Variants in KIF3B observed in about 807,000 individuals in gnomAD.
The protein encoded by KIF3B is kinesin-like protein KIF3B.
A neutral mutation model predicts 74.3 loss-of-function variants in KIF3B; 38 were observed. The observed-to-expected ratio is 0.51, with a 90% CI of 0.39 to 0.67. The LOEUF is 0.67. KIF3B is among the 30% of genes least tolerant of loss of function. KIF3B has a pLI of 0.00. For missense variants in KIF3B, 649 were observed against 932.0 expected (o/e 0.70, Z 3.95); for synonymous variants, 326 against 342.5 (o/e 0.95, Z 0.53).
At chr20:32,289,440 C>T (rs1191357669) in intron 1 of KIF3B, among the ~76,000 whole-genome samples, 4 of 152,178 alleles carry the variant, frequency 2.6e-5, no homozygotes, top group Admixed American at 1.3e-4. Context: ...GATCCACCTG[C>T]CTTGGCCTCC....
At chr20:32,294,391 T>C (rs538080235) in intron 1 of KIF3B, among the ~76,000 whole-genome samples, 1 of 152,324 alleles carries the variant, frequency 6.6e-6, no homozygotes, top group South Asian at 2.1e-4. Context: ...ACATTTAAGC[T>C]GAAATCAAAG....
At chr20:32,292,511 G>A (rs957918842) in intron 1 of KIF3B, among the ~76,000 whole-genome samples, 8 of 150,656 alleles carry the variant, frequency 5.3e-5, no homozygotes, top group Admixed American at 2.0e-4. Context: ...GCTGAGGTGG[G>A]TGGATCACTT....
rs1183640135 is a variant in KIF3B at position 32,311,007 on chromosome 20, GGAT to G, written c.1234_1236del (p.Asp412del). 1 of 1,613,582 alleles carries G rather than the reference GGAT, an allele frequency of 6.2e-7. No homozygotes were observed. Among genetic ancestry groups the G allele is most frequent in the African/African-American group, 1.3e-5 (1 of 74,856 alleles). On this transcript the variant is annotated inframe_deletion, in exon 2 of 9. Coordinates refer to ENST00000375712, the MANE Select transcript of KIF3B (RefSeq NM_004798.4). ...AGGGTGAGGAGGAAGGGGATGATAA[GGAT>G]GATTACTGGCGGGAACAGCAAGAAA... is the stretch of plus-strand genomic sequence containing the variant.
chr20:32,326,941 G>C (rs2047906858), intron 6 of KIF3B, 57 bp downstream of exon 6: 7 of 860,296 alleles, frequency 8.1e-6, no homozygotes, highest in Non-Finnish European at 1.3e-5. Flanking sequence ...AAAGAATGTT[G>C]ATAACAAGAG....
At chr20:32,279,893 A>G (rs567421593) in intron 1 of KIF3B, among the ~76,000 whole-genome samples, 19 of 152,382 alleles carry the variant, frequency 1.2e-4, no homozygotes, top group Admixed American at 3.3e-4. Flanking sequence ...AAAGCTTGCA[A>G]TCAGACTACC....
chr20:32,289,968 G>T (rs1337714695), intron 1 of KIF3B, among the ~76,000 whole-genome samples: 2 of 152,088 alleles, frequency 1.3e-5, no homozygotes, highest in Non-Finnish European at 2.9e-5. Context: ...GTTACCACTT[G>T]TGGGCCAGAC....
chr20:32,307,862 T>C (rs2047779387), intron 1 of KIF3B, among the ~76,000 whole-genome samples: 1 of 140,044 alleles, frequency 7.1e-6, no homozygotes, highest in Non-Finnish European at 1.5e-5. Flanking sequence ...GAGCTTGCAG[T>C]GAGCCGAGAT....
At chr20:32,326,114 A>G (rs928239678) in intron 5 of KIF3B, among the ~76,000 whole-genome samples, 2 of 152,164 alleles carry the variant, frequency 1.3e-5, no homozygotes, top group Non-Finnish European at 2.9e-5. Context: ...GAGTAAAGGC[A>G]GAGATATAAT....
intron 1 of KIF3B, among the ~76,000 whole-genome samples, chr20:32,291,856 A>G (rs997112724): frequency 2.6e-5 from 4 of 151,884 alleles, no homozygotes; most frequent in Non-Finnish European, 5.9e-5. Context: ...ACCTCGAGTG[A>G]TGCACCCTCC....
chr20:32,280,220 G>A lies in KIF3B; in HGVS notation c.-66+2455G>A, dbSNP rs913316531. Among the ~76,000 whole-genome samples, 21 of 152,220 alleles carry A rather than the reference G, an allele frequency of 1.4e-4. No individual in the cohort carries two copies. In the South Asian group the frequency reaches 3.1e-3, roughly 23 times the overall value. On this transcript the variant is annotated intron_variant, in intron 1 of 8. Coordinates refer to ENST00000375712, the MANE Select transcript of KIF3B (RefSeq NM_004798.4). ...GGTAAACATTAGCTATCGTTATTTG[G>A]GTTTAACGTGGTGCTTGTGCTGTAT...
chr20:32,327,052 G>A (rs909135026), intron 6 of KIF3B, among the ~76,000 whole-genome samples, 168 bp downstream of exon 6: 2 of 152,186 alleles, frequency 1.3e-5, no homozygotes, highest in Non-Finnish European at 2.9e-5. Context: ...GATCCACCAG[G>A]TAAAAGTTTG....
At chr20:32,317,663 A>C (rs565965291) in intron 5 of KIF3B, among the ~76,000 whole-genome samples, 51 of 148,598 alleles carry the variant, frequency 3.4e-4, no homozygotes, top group Non-Finnish European at 7.0e-4. Flanking sequence ...TTTGAGACAG[A>C]GTTTTGCTCT....
chr20:32,299,379 G>GTATATATATATATATATATATA lies in KIF3B; in HGVS notation c.-65-10330_-65-10309dup, dbSNP rs1555895040. Among the ~76,000 whole-genome samples the GTATATATATATATATATATATA allele has an allele frequency of 2.2e-4, 5 of 23,094 alleles. 1 individual carries two copies. Among genetic ancestry groups the GTATATATATATATATATATATA allele is most frequent in the African/African-American group, 9.1e-4 (4 of 4,374 alleles). 15.2% of individuals were successfully genotyped at this position (23,094 alleles called of 152,430 possible). A position where few individuals can be genotyped will look rare whatever the true frequency, so the allele number is the denominator to read the frequency against. On this transcript the variant is annotated intron_variant, in intron 1 of 8. Transcript: ENST00000375712. ...CTTGTAACTACTGAATGGTGTGTGTGTATATATATATATATATATATATAT... is the reference window on the plus strand; with the variant it reads ...CTTGTAACTACTGAATGGTGTGTGTGTATATATATATATATATATATATATATATATATATATATATATATAT...
intron 1 of KIF3B, among the ~76,000 whole-genome samples, chr20:32,304,150 A>G (rs1439099199): frequency 2.0e-5 from 3 of 152,220 alleles, no homozygotes; most frequent in African/African-American, 7.2e-5. Context: ...ATTCTAGACA[A>G]TAATATTTTA....
At chr20:32,299,868 A>G (rs575789317) in intron 1 of KIF3B, among the ~76,000 whole-genome samples, 1 of 151,858 alleles carries the variant, frequency 6.6e-6, no homozygotes. Flanking sequence ...GACTTGCTGC[A>G]GTCTTAACCT....
chr20:32,308,061 C>G (rs1190862491), intron 1 of KIF3B, among the ~76,000 whole-genome samples: 1 of 151,832 alleles, frequency 6.6e-6, no homozygotes. Flanking sequence ...ATGGCAAAAC[C>G]CTGTCTCTAC....
chr20:32,316,488 T>G (rs1250949895), intron 3 of KIF3B, 39 bp from the exon 4 acceptor site: 5 of 1,612,400 alleles, frequency 3.1e-6, no homozygotes, highest in Non-Finnish European at 4.2e-6. Context: ...ATAGACACAG[T>G]CTCTAGGGCA....
In KIF3B at chr20:32,334,998, T is replaced by C. The variant is rs2047948417; in HGVS notation, c.*3679T>C. The C allele has an allele frequency of 6.6e-6, 1 of 152,602 alleles. No homozygotes were observed. The highest frequency in any genetic ancestry group is 6.5e-5 in the Admixed American group (1 of 15,274). 9.5% of individuals were successfully genotyped at this position (152,602 alleles called of 1,614,324 possible). On this transcript the variant is annotated 3_prime_UTR_variant, in exon 9 of 9. Coordinates refer to ENST00000375712, the MANE Select transcript of KIF3B (RefSeq NM_004798.4). ...TGTAATAAAAATCAATCAGATTTAT[T>C]GTACCTACAAAAAGGTGTCCTCATA... is the stretch of plus-strand genomic sequence containing the variant.
At chr20:32,290,648 A>G (rs1440960059) in intron 1 of KIF3B, among the ~76,000 whole-genome samples, 1 of 152,192 alleles carries the variant, frequency 6.6e-6, no homozygotes, top group Non-Finnish European at 1.5e-5. Flanking sequence ...AGGCGGAAGG[A>G]TTGCTTGAAC....
Sources: allele counts gnomAD v4.1 joint callset (sites outside exome capture counted in the v4.1 genomes callset), GRCh38; gene constraint gnomAD v4.1.1; transcripts MANE v1.5; gene names NCBI Gene and HGNC (gene_info 2026-07-23, HGNC 2026-07-21).